USP6: variants seen among roughly 807,000 people sequenced by gnomAD.
The protein encoded by USP6 is ubiquitin specific peptidase 6.
USP6 carries 128 observed loss-of-function variants against 175.7 expected under a neutral mutation model. That is an observed-to-expected ratio of 0.73 (90% CI 0.63 to 0.84). USP6 has a LOEUF of 0.84. Ranked by LOEUF, USP6 falls within the 40% of genes least tolerant of loss-of-function variation. The pLI, the probability that USP6 is intolerant of heterozygous loss-of-function variation, is 0.00. For missense variants in USP6, 1,498 were observed against 1,760.3 expected, an observed-to-expected ratio of 0.85 and a Z score of 2.67; for synonymous variants, 562 against 630.6, an observed-to-expected ratio of 0.89 and a Z score of 1.63.
chr17:5,145,472 C>A lies in USP6; in HGVS notation c.2060C>A (p.Ser687Tyr). The A allele has an allele frequency of 6.2e-7, 1 of 1,612,868 alleles. No homozygotes were observed. Among genetic ancestry groups the A allele is most frequent in the African/African-American group, 1.3e-5 (1 of 74,926 alleles). Residue 687 changes from serine (S) to tyrosine (Y), a missense_variant, in exon 27 of 38, where the codon TCT becomes TAT. Around this residue, in one of 2 missense-constraint regions of USP6, gnomAD observed 1,217 missense variants for 1,500.8 expected, o/e 0.81. Coordinates refer to ENST00000574788, the MANE Select transcript of USP6 (RefSeq NM_001304284.2). ...IVDLFHGQLR[S>Y]QVKCKTCGHI... Reference sequence around the variant, plus strand: ...GATTTGTTCCATGGGCAGCTAAGATCTCAAGTCAAATGCAAGACATGTGGG... The same window carrying A: ...GATTTGTTCCATGGGCAGCTAAGATATCAAGTCAAATGCAAGACATGTGGG...
intron 2 of USP6, among the ~76,000 whole-genome samples, chr17:5,119,451 T>C (rs896084010): frequency 2.0e-5 from 3 of 152,190 alleles, no homozygotes; most frequent in Admixed American, 6.5e-5. Context: ...CAGCCCCCAC[T>C]AAAGTGAGGT....
chr17:5,130,260 A>G, intron 9 of USP6, 107 bp from the exon 10 acceptor site: 2 of 1,073,670 alleles, frequency 1.9e-6, no homozygotes, highest in Admixed American at 1.8e-5. Context: ...CAGTGGTGGA[A>G]TGAAGGTTAT....
intron 14 of USP6, 95 bp downstream of exon 14, chr17:5,133,645 G>A: frequency 2.0e-6 from 2 of 1,014,318 alleles, no homozygotes; most frequent in Non-Finnish European, 1.5e-6. Context: ...GGGGTGGGGG[G>A]GTGGGAGGGG....
chr17:5,122,769 T>G (rs569458530), intron 4 of USP6, among the ~76,000 whole-genome samples: 2 of 152,246 alleles, frequency 1.3e-5, no homozygotes, highest in South Asian at 4.1e-4. Flanking sequence ...ACTTCCCACC[T>G]CTCAGGTCCG....
chr17:5,141,284 G>A (rs2073437978), intron 22 of USP6, 141 bp from the exon 23 acceptor site: 2 of 690,390 alleles, frequency 2.9e-6, no homozygotes, highest in South Asian at 1.7e-5. Context: ...TCATCATTAA[G>A]CAATGCATGT....
intron 33 of USP6, among the ~76,000 whole-genome samples, chr17:5,163,955 GA>G (rs937557369): frequency 6.6e-6 from 1 of 152,198 alleles, no homozygotes; most frequent in African/African-American, 2.4e-5. Context: ...TGTTGCTTCA[GA>G]AATAATTTTA....
chr17:5,172,065 C>T (rs2074230847), intron 37 of USP6, among the ~76,000 whole-genome samples: 1 of 151,576 alleles, frequency 6.6e-6, no homozygotes, highest in South Asian at 2.1e-4. Flanking sequence ...ATCCCAGCTA[C>T]TCGGGAGGCT....
rs1324954777 is a variant in USP6 at position 5,172,954 on chromosome 17, C to T, written c.4197C>T (p.Tyr1399=). 50 of 1,613,898 alleles carry T rather than the reference C, an allele frequency of 3.1e-5. No homozygotes were observed. The highest frequency in any genetic ancestry group is 3.7e-5 in the Non-Finnish European group (44 of 1,179,854). Residue 1399 remains tyrosine (Y), a synonymous_variant, in exon 38 of 38, where the codon TAC becomes TAT. Transcript: ENST00000574788. ...CGGATGAAGACTCTGAGTCTGATTA[C>T]GAAAAGTACTCTATGTTACAGTAAA... ...SSTDEDSESD[Y]EKYSMLQ
At position 5,129,962 on chromosome 17, in the gene USP6, A is replaced by G; in HGVS notation, c.-129A>G. On this transcript the variant is annotated 5_prime_UTR_variant, in exon 9 of 38. Transcript: ENST00000574788. Reference sequence around the variant, plus strand: ...AAACTGGGCATCTCTGTGGCCCTGAACATCCCAGGAGGCCGATCGTACAGA... The same window carrying G: ...AAACTGGGCATCTCTGTGGCCCTGAGCATCCCAGGAGGCCGATCGTACAGA... 1 of 243,462 alleles carries G rather than the reference A, an allele frequency of 4.1e-6. No individual in the cohort carries two copies. The highest frequency in any genetic ancestry group is 6.2e-5 in the South Asian group (1 of 16,130). The allele number at this position is 243,462 out of a possible 1,614,324, so 15.1% of individuals were successfully genotyped here.
At chr17:5,161,701 TA>T in intron 32 of USP6, 87 bp downstream of exon 32, 1 of 1,422,554 alleles carries the variant, frequency 7.0e-7, no homozygotes, top group African/African-American at 1.4e-5. Context: ...TTTTGAGAAG[TA>T]AATAGTGAAT....
At chr17:5,144,265 GTAT>G (rs1221738143) in intron 25 of USP6, among the ~76,000 whole-genome samples, 3 of 151,592 alleles carry the variant, frequency 2.0e-5, no homozygotes, top group South Asian at 2.1e-4. Context: ...TACATGCTAT[GTAT>G]TATTATATAC....
chr17:5,166,608 G>A (rs115146319), intron 33 of USP6, among the ~76,000 whole-genome samples: 3,439 of 151,932 alleles, frequency 0.023, 133 homozygotes, highest in African/African-American at 0.078. Context: ...CTTGTGGTCC[G>A]GGCTGTGCTT....
At chr17:5,154,699 A>G (rs537862596) in intron 30 of USP6, among the ~76,000 whole-genome samples, 1 of 119,284 alleles carries the variant, frequency 8.4e-6, no homozygotes, top group South Asian at 3.0e-4. Context: ...AGAAAACTAT[A>G]GTTGAGATAG....
chr17:5,160,537 T>C (rs2073984429), intron 31 of USP6, among the ~76,000 whole-genome samples: 1 of 152,148 alleles, frequency 6.6e-6, no homozygotes, highest in Non-Finnish European at 1.5e-5. Flanking sequence ...AGTTGGAAAA[T>C]TCACAAGGCC....
At chr17:5,166,883 T>C (rs1423507226) in intron 33 of USP6, among the ~76,000 whole-genome samples, 1 of 152,028 alleles carries the variant, frequency 6.6e-6, no homozygotes, top group African/African-American at 2.4e-5. Flanking sequence ...TCTCTCTCCT[T>C]TCTTACACTT....
At chr17:5,137,917 A>G (rs968274450) in intron 20 of USP6, among the ~76,000 whole-genome samples, 167 bp downstream of exon 20, 1 of 152,092 alleles carries the variant, frequency 6.6e-6, no homozygotes, top group Non-Finnish European at 1.5e-5. Context: ...CATCCCCCAC[A>G]TGACCCAGAT....
intron 35 of USP6, 68 bp downstream of exon 35, chr17:5,169,123 T>C: frequency 6.8e-7 from 1 of 1,474,054 alleles, no homozygotes; most frequent in Non-Finnish European, 9.0e-7. Flanking sequence ...TTTCTCTGTC[T>C]TCTGTTCTGG....
chr17:5,162,134 T>C (rs1250800458), intron 32 of USP6, among the ~76,000 whole-genome samples: 2 of 152,306 alleles, frequency 1.3e-5, no homozygotes, highest in Non-Finnish European at 1.5e-5. Flanking sequence ...TATTACTCTA[T>C]AAATTCACCT....
rs2074292462 is a variant in USP6, at chr17:5,174,879, T to A, written c.*1901T>A. ...CATAAATAGAGTGTAAATAAAATAGTGTTGATGTACTGAAATATGAACTGT... is the reference window on the plus strand; with the variant it reads ...CATAAATAGAGTGTAAATAAAATAGAGTTGATGTACTGAAATATGAACTGT... On this transcript the variant is annotated 3_prime_UTR_variant, in exon 38 of 38. Transcript: ENST00000574788. The A allele has an allele frequency of 5.2e-6, 1 of 191,322 alleles. No individual in the cohort carries two copies. The highest frequency in any genetic ancestry group is 1.9e-4 in the South Asian group (1 of 5,166). 11.9% of individuals were successfully genotyped at this position (191,322 alleles called of 1,614,324 possible).
Sources: allele counts gnomAD v4.1 joint callset (sites outside exome capture counted in the v4.1 genomes callset), GRCh38; gene constraint gnomAD v4.1.1; regional missense constraint gnomAD v4.1.1; transcripts MANE v1.5; gene names NCBI Gene and HGNC (gene_info 2026-07-23, HGNC 2026-07-21).